CDH18: variants seen among roughly 807,000 people sequenced by gnomAD.
The protein encoded by CDH18 is cadherin 18.
In CDH18, 31 loss-of-function variants were observed where a neutral mutation model predicts 67.9. That is an observed-to-expected ratio of 0.46 (90% CI 0.34 to 0.62). The LOEUF is 0.62. CDH18 is among the 20% of genes least tolerant of loss of function. The pLI is 0.01. For missense variants in CDH18, 890 were observed against 975.5 expected (o/e 0.91, Z 1.17); for synonymous variants, 362 against 347.2 (o/e 1.04, Z -0.48).
intron 1 of CDH18, among the ~76,000 whole-genome samples, chr5:20,343,522 A>G (rs1298953530): frequency 6.6e-6 from 1 of 151,738 alleles, no homozygotes; most frequent in Non-Finnish European, 1.5e-5. Context: ...CCTCAAAGAA[A>G]CCCCCTTTGA....
chr5:19,762,728 C>G (rs1414138480), intron 3 of CDH18, among the ~76,000 whole-genome samples: 1 of 152,056 alleles, frequency 6.6e-6, no homozygotes, highest in African/African-American at 2.4e-5. Context: ...TACCACATGA[C>G]CCAGTGATCC....
chr5:19,514,212 A>C (rs1561240420), intron 10 of CDH18, among the ~76,000 whole-genome samples: 1 of 152,178 alleles, frequency 6.6e-6, no homozygotes, highest in Non-Finnish European at 1.5e-5. Flanking sequence ...TCCATGGTGT[A>C]TATGTGCCAC....
intron 1 of CDH18, among the ~76,000 whole-genome samples, chr5:20,351,263 T>G (rs1272757560): frequency 1.4e-5 from 2 of 144,536 alleles, no homozygotes; most frequent in East Asian, 2.1e-4. Context: ...TTTTTTTTTT[T>G]GTTCACTGAT....
At position 19,483,290 on chromosome 5, in the gene CDH18, G is replaced by C; in HGVS notation, c.1882+11C>G. 1.2e-6 allele frequency: 2 copies of C among 1,605,040 alleles called. No homozygotes were observed. The highest frequency in any genetic ancestry group is 1.7e-6 in the Non-Finnish European group (2 of 1,175,224). On this transcript the variant is annotated intron_variant, in intron 12 of 12. Coordinates refer to ENST00000382275, the MANE Select transcript of CDH18 (RefSeq NM_004934.5). ...TGCCATCATGCAAACTTAGGGTTTA[G>C]AATGACTTACCCAGGAGAATGAGAA...
chr5:19,525,748 C>T (rs899377621), intron 9 of CDH18, among the ~76,000 whole-genome samples: 1 of 152,056 alleles, frequency 6.6e-6, no homozygotes, highest in Non-Finnish European at 1.5e-5. Flanking sequence ...CTGAAAACTA[C>T]CCATGGGTCT....
At chr5:19,711,396 TACAACAACAACA>T (rs112963492) in intron 5 of CDH18, among the ~76,000 whole-genome samples, 7 of 150,638 alleles carry the variant, frequency 4.6e-5, no homozygotes, top group African/African-American at 7.3e-5. Context: ...ACTCATAAAC[TACAACAACAACA>T]ACAACAACAA....
At chr5:19,845,711 TTG>T (rs1001079566) in intron 2 of CDH18, among the ~76,000 whole-genome samples, 11 of 151,698 alleles carry the variant, frequency 7.3e-5, no homozygotes, top group African/African-American at 2.7e-4. Flanking sequence ...ATATTTATAA[TTG>T]TTTTTTTTCT....
At chr5:19,883,914 G>C (rs544938777) in intron 2 of CDH18, among the ~76,000 whole-genome samples, 18 of 151,706 alleles carry the variant, frequency 1.2e-4, no homozygotes, top group Non-Finnish European at 1.9e-4. Context: ...TGTCATCTTC[G>C]TTTAAATTAT....
At chr5:19,550,833 C>T (rs901714966) in intron 8 of CDH18, among the ~76,000 whole-genome samples, 26 of 152,090 alleles carry the variant, frequency 1.7e-4, no homozygotes, top group African/African-American at 1.9e-4. Context: ...CCTGAGGAAT[C>T]GCCACACTGA....
intron 2 of CDH18, among the ~76,000 whole-genome samples, chr5:19,998,070 T>C (rs1561699449): frequency 6.6e-6 from 1 of 152,198 alleles, no homozygotes; most frequent in Non-Finnish European, 1.5e-5. Flanking sequence ...GTTAGGGGCC[T>C]TGGACTACAT....
chr5:20,124,107 C>A (rs1748618896), intron 2 of CDH18, among the ~76,000 whole-genome samples: 1 of 151,984 alleles, frequency 6.6e-6, no homozygotes, highest in African/African-American at 2.4e-5. Context: ...GGATAGAAAC[C>A]TCCAGAGAAT....
intron 5 of CDH18, among the ~76,000 whole-genome samples, chr5:19,701,367 A>G (rs528399268): frequency 6.6e-6 from 1 of 152,298 alleles, no homozygotes; most frequent in Non-Finnish European, 1.5e-5. Flanking sequence ...AGTTTCTGTG[A>G]ACATTCTGGA....
chr5:20,365,323 C>A (rs757892086), intron 1 of CDH18, among the ~76,000 whole-genome samples: 1 of 152,120 alleles, frequency 6.6e-6, no homozygotes, highest in Non-Finnish European at 1.5e-5. Context: ...AATTGCCTCC[C>A]AAAGGCCTCA....
chr5:19,873,970 C>T (rs867936654), intron 2 of CDH18, among the ~76,000 whole-genome samples: 17 of 152,074 alleles, frequency 1.1e-4, no homozygotes, highest in Admixed American at 2.6e-4. Context: ...TTTTGATACA[C>T]AAAGCAGAAA....
intron 8 of CDH18, among the ~76,000 whole-genome samples, chr5:19,556,918 G>GT (rs1245742667): frequency 2.0e-5 from 3 of 152,034 alleles, no homozygotes; most frequent in Non-Finnish European, 4.4e-5. Context: ...AAAGGAAAAC[G>GT]TATCAGATTA....
At chr5:19,679,574 G>C (rs557875041) in intron 5 of CDH18, among the ~76,000 whole-genome samples, 1 of 151,756 alleles carries the variant, frequency 6.6e-6, no homozygotes. Flanking sequence ...CCACCAAAAG[G>C]CTCCTAGAAC....
chr5:19,508,601 A>G (rs1217429531), intron 10 of CDH18, among the ~76,000 whole-genome samples: 5 of 152,130 alleles, frequency 3.3e-5, no homozygotes, highest in Admixed American at 6.6e-5. Context: ...GCTATTTATA[A>G]ATAATTACCA....
At chr5:20,076,546 A>C (rs562063229) in intron 2 of CDH18, among the ~76,000 whole-genome samples, 2 of 141,994 alleles carry the variant, frequency 1.4e-5, no homozygotes, top group African/African-American at 5.0e-5. Context: ...TAGATTCCCA[A>C]AAAAAAAAAG....
At chr5:19,969,741 G>A (rs186568263) in intron 2 of CDH18, among the ~76,000 whole-genome samples, 1 of 151,432 alleles carries the variant, frequency 6.6e-6, no homozygotes, top group Admixed American at 6.6e-5. Context: ...TATACCTAAT[G>A]CTACATGAGG....
Sources: gnomAD v4.1 joint callset for allele counts (sites outside exome capture counted in the v4.1 genomes callset) on GRCh38, gnomAD v4.1.1 for gene constraint, MANE v1.5 for transcripts, NCBI Gene and HGNC (gene_info 2026-07-23, HGNC 2026-07-21) for gene names.